SYNE2: variants seen among roughly 807,000 people sequenced by gnomAD.
SYNE2 encodes the protein spectrin repeat containing nuclear envelope protein 2.
Under a neutral mutation model 856.3 loss-of-function variants are expected in SYNE2, and 431 were observed. The observed-to-expected ratio is 0.50, with a 90% CI of 0.47 to 0.55. The LOEUF (loss-of-function observed/expected upper bound fraction) is 0.55. Ranked by LOEUF, SYNE2 falls within the 20% of genes least tolerant of loss-of-function variation. The pLI is 0.00. For missense variants in SYNE2, 8,129 were observed against 8,023.2 expected, an observed-to-expected ratio of 1.01 and a Z score of -0.50; for synonymous variants, 2,923 against 2,872.3, an observed-to-expected ratio of 1.02 and a Z score of -0.56.
At chr14:64,216,747 C>A (rs548369172) in intron 108 of SYNE2, among the ~76,000 whole-genome samples, 1 of 152,186 alleles carries the variant, frequency 6.6e-6, no homozygotes, top group Non-Finnish European at 1.5e-5. Context: ...GTTGTGGAGA[C>A]GGAGTCTCAT....
At chr14:64,213,770 TAAGA>T (rs1362278853) in intron 105 of SYNE2, among the ~76,000 whole-genome samples, 3 of 152,148 alleles carry the variant, frequency 2.0e-5, no homozygotes, top group Non-Finnish European at 2.9e-5. Flanking sequence ...AGTTGGAGGA[TAAGA>T]AAGAAAGAAC....
At chr14:63,769,660 C>A (rs1429716073) in intron 1 of SYNE2, among the ~76,000 whole-genome samples, 2 of 101,166 alleles carry the variant, frequency 2.0e-5, no homozygotes, top group East Asian at 2.8e-4. Flanking sequence ...CAGAGCGAGA[C>A]TCCATCTCAA....
chr14:64,122,065 T>C lies in SYNE2; in HGVS notation c.13212T>C (p.Phe4404=). 2 of 1,614,052 alleles carry C rather than the reference T, an allele frequency of 1.2e-6. No individual in the cohort carries two copies. Among genetic ancestry groups the C allele is most frequent in the South Asian group, 1.1e-5 (1 of 91,086 alleles). ...EQKDFIKFIE[F]NAKKMWPQYC... ...AAGATTTCATCAAATTCATAGAATT[T>C]AATGCTAAGAAAATGTGGCCCCAGT... The change falls in exon 69 of 116, where the codon TTT becomes TTC. Residue 4404 remains phenylalanine (F), a synonymous_variant. Coordinates refer to ENST00000555002, the MANE Select transcript of SYNE2 (RefSeq NM_182914.3).
At chr14:64,133,977 G>C (rs2098055879) in intron 77 of SYNE2, 92 bp from the exon 78 acceptor site, 2 of 1,443,664 alleles carry the variant, frequency 1.4e-6, no homozygotes, top group Admixed American at 3.4e-5. Flanking sequence ...GTATGGTCTT[G>C]GTGTTCATTT....
At chr14:63,824,684 G>C (rs1889352250) in intron 1 of SYNE2, among the ~76,000 whole-genome samples, 2 of 150,404 alleles carry the variant, frequency 1.3e-5, no homozygotes, top group African/African-American at 4.9e-5. Flanking sequence ...TGGATTGTTT[G>C]AAACACAAAG....
At chr14:63,819,575 AGCCCAGGCTGGAGTGCAGTG>A (rs1381660460) in intron 1 of SYNE2, among the ~76,000 whole-genome samples, 7 of 147,958 alleles carry the variant, frequency 4.7e-5, no homozygotes, top group Non-Finnish European at 1.0e-4. Flanking sequence ...CTTGCTGTGT[AGCCCAGGCTGGAGTGCAGTG>A]GTGCAATCTC....
chr14:64,174,807 C>T, intron 94 of SYNE2, 137 bp from the exon 95 acceptor site: 1 of 744,088 alleles, frequency 1.3e-6, no homozygotes, highest in Non-Finnish European at 2.2e-6. Flanking sequence ...TGTGTATGTA[C>T]ATTCTGACCC....
intron 1 of SYNE2, among the ~76,000 whole-genome samples, chr14:63,838,140 C>A (rs370132904): frequency 6.6e-6 from 1 of 151,976 alleles, no homozygotes; most frequent in African/African-American, 2.4e-5. Context: ...GAGGCCAAGG[C>A]GGGTAGATCA....
chr14:64,011,026 G>A (rs1002947243), intron 32 of SYNE2, among the ~76,000 whole-genome samples: 7 of 152,202 alleles, frequency 4.6e-5, no homozygotes, highest in Admixed American at 3.9e-4. Flanking sequence ...TATACTTGGA[G>A]GTTGGAAAGC....
intron 1 of SYNE2, among the ~76,000 whole-genome samples, chr14:63,787,082 G>A (rs572411267): frequency 6.6e-5 from 10 of 152,040 alleles, no homozygotes; most frequent in East Asian, 5.8e-4. Flanking sequence ...CTTTCTTTCC[G>A]TTATTTTTGA....
In SYNE2 at chr14:63,980,684, C is replaced by G. The variant is rs766959221; in HGVS notation, c.1600C>G (p.Arg534Gly). The G allele has an allele frequency of 3.1e-6, 5 of 1,606,438 alleles. No homozygotes were observed. The highest frequency in any genetic ancestry group is 2.6e-6 in the Non-Finnish European group (3 of 1,173,574). The change falls in exon 15 of 116, where the codon CGA (arginine) becomes GGA (glycine). Residue 534 changes from arginine to glycine, a missense_variant. Transcript: ENST00000555002. The part of the protein sequence containing the change: ...KFIEEKEFLA[R>G]LDTSFQKCGE... ...TATTGAAGAAAAAGAATTCCTAGCT[C>G]GACTTGATACTTCTTTTCAAAAATG...
intron 57 of SYNE2, among the ~76,000 whole-genome samples, chr14:64,082,846 G>A (rs1443671171): frequency 3.3e-5 from 5 of 152,100 alleles, no homozygotes; most frequent in Non-Finnish European, 2.9e-5. Context: ...GTCCTTGCTG[G>A]TACTCCACAC....
At position 64,141,329 on chromosome 14, in the gene SYNE2, ACT is replaced by A; in HGVS notation, c.14977-8_14977-7del. The A allele has an allele frequency of 6.2e-7, 1 of 1,606,926 alleles. No homozygotes were observed. The highest frequency in any genetic ancestry group is 8.5e-7 in the Non-Finnish European group (1 of 1,176,306). ...AAATTTTAAGTTTCTAAATTTTAAA[ACT>A]CTCCTTTAGGAGTTTTCAAAAGAAG... On this transcript the variant is annotated splice_polypyrimidine_tract_variant and intron_variant, in intron 80 of 115. Coordinates refer to ENST00000555002, the MANE Select transcript of SYNE2 (RefSeq NM_182914.3).
intron 108 of SYNE2, 21 bp downstream of exon 108, chr14:64,216,408 G>A (rs2098666708): frequency 6.2e-7 from 1 of 1,612,826 alleles, no homozygotes; most frequent in Non-Finnish European, 8.5e-7. Flanking sequence ...ACTTCACTGG[G>A]AGTACAGCCT....
chr14:64,125,340 T>C, intron 71 of SYNE2, 130 bp downstream of exon 71: 1 of 1,344,878 alleles, frequency 7.4e-7, no homozygotes, highest in Non-Finnish European at 1.0e-6. Context: ...GGTCCTAGGA[T>C]TGCAAATTGA....
At chr14:63,798,782 G>T (rs556161948) in intron 1 of SYNE2, among the ~76,000 whole-genome samples, 18 of 152,228 alleles carry the variant, frequency 1.2e-4, no homozygotes, top group African/African-American at 3.9e-4. Context: ...CTCCAAGCAT[G>T]TTTAAGAGGT....
chr14:64,215,393 C>T, intron 107 of SYNE2, 39 bp downstream of exon 107: 1 of 1,598,304 alleles, frequency 6.3e-7, no homozygotes, highest in South Asian at 1.1e-5. Context: ...ATGGCAGCAT[C>T]CTGTGGCGCA....
At chr14:64,031,386 CAGTG>C in intron 45 of SYNE2, 29 bp downstream of exon 45, 12 of 1,591,428 alleles carry the variant, frequency 7.5e-6, no homozygotes, top group Non-Finnish European at 1.0e-5. Flanking sequence ...ACTTTCAAGA[CAGTG>C]AGTCTGAGAA....
chr14:64,071,498 A>C (rs2097407570), intron 52 of SYNE2, among the ~76,000 whole-genome samples: 1 of 152,150 alleles, frequency 6.6e-6, no homozygotes, highest in Non-Finnish European at 1.5e-5. Context: ...TGTCTCAAAA[A>C]AAAGGAAATT....
Sources: allele counts gnomAD v4.1 joint callset (sites outside exome capture counted in the v4.1 genomes callset), GRCh38; gene constraint gnomAD v4.1.1; transcripts MANE v1.5; gene names NCBI Gene and HGNC (gene_info 2026-07-23, HGNC 2026-07-21).